Variants in TMEM117 observed in about 807,000 individuals in gnomAD.
The protein encoded by TMEM117 is transmembrane protein 117.
TMEM117 carries 27 observed loss-of-function variants against 52.4 expected under a neutral mutation model. The ratio of observed to expected loss-of-function variants is 0.51; its 90% CI spans 0.38 to 0.71. The LOEUF is 0.71. TMEM117 is among the 30% of genes least tolerant of loss of function. TMEM117 has a pLI of 0.00. For missense variants in TMEM117, 556 were observed against 630.5 expected, an observed-to-expected ratio of 0.88 and a Z score of 1.26; for synonymous variants, 215 against 206.3, an observed-to-expected ratio of 1.04 and a Z score of -0.36.
rs139642801 is a variant in TMEM117, at chr12:43,965,399, G to T, written c.410+21057G>T. Among the ~76,000 whole-genome samples the T allele has an allele frequency of 2.6e-4, 39 of 152,286 alleles. No individual in the cohort carries two copies. The East Asian group carries it at 6.8e-3, about 26-fold the overall frequency. On this transcript the variant is annotated intron_variant, in intron 3 of 7. Coordinates refer to ENST00000266534, the MANE Select transcript of TMEM117 (RefSeq NM_032256.3). The stretch of plus-strand genomic sequence containing the variant: ...CTATGAGGTCTTCCATCACAGCCCA[G>T]AGGAAGCACTAGACTGGAAAATTGT...
chr12:43,906,710 T>C (rs947352304), intron 2 of TMEM117, among the ~76,000 whole-genome samples: 1 of 152,190 alleles, frequency 6.6e-6, no homozygotes, highest in Non-Finnish European at 1.5e-5. Context: ...GGAGTTCCCT[T>C]TCCTAGTCAA....
intron 2 of TMEM117, among the ~76,000 whole-genome samples, chr12:43,920,310 GGTC>G (rs1354848283): frequency 6.6e-6 from 1 of 152,090 alleles, no homozygotes; most frequent in Non-Finnish European, 1.5e-5. Context: ...CGGATCACGA[GGTC>G]AGAAGATCAA....
chr12:44,009,001 C>A, intron 3 of TMEM117: 1 of 365,270 alleles, frequency 2.7e-6, no homozygotes, highest in South Asian at 2.4e-5. Context: ...TGTGAATTCT[C>A]TGGTACTTAA....
At chr12:44,238,729 A>G (rs1950028404) in intron 5 of TMEM117, among the ~76,000 whole-genome samples, 1 of 152,206 alleles carries the variant, frequency 6.6e-6, no homozygotes, top group South Asian at 2.1e-4. Flanking sequence ...ATGTAAAGAC[A>G]AAGGTATTTT....
At chr12:44,376,114 A>G (rs974433291) in intron 6 of TMEM117, among the ~76,000 whole-genome samples, 3 of 152,212 alleles carry the variant, frequency 2.0e-5, no homozygotes, top group African/African-American at 7.2e-5. Flanking sequence ...GACATGATTA[A>G]TAAAAGTCAC....
At chr12:43,834,224 A>G (rs1043797145), upstream of TMEM117, among the ~76,000 whole-genome samples, 2 of 152,248 alleles carry the variant, frequency 1.3e-5, no homozygotes, top group South Asian at 4.1e-4. Context: ...AGGAAAATAT[A>G]GCATATGGAA....
At chr12:44,010,196 C>A (rs1214263236) in intron 3 of TMEM117, 2 of 507,848 alleles carry the variant, frequency 3.9e-6, no homozygotes, top group Admixed American at 4.1e-5. Context: ...CCACCTGGGG[C>A]CACCTCTGAC....
chr12:44,168,126 T>C (rs1948994658), intron 4 of TMEM117, among the ~76,000 whole-genome samples: 1 of 151,650 alleles, frequency 6.6e-6, no homozygotes, highest in African/African-American at 2.4e-5. Context: ...TGGTGGTGCG[T>C]GCCTGTAGTC....
At chr12:44,122,252 G>A (rs1203737228) in intron 3 of TMEM117, among the ~76,000 whole-genome samples, 1 of 151,916 alleles carries the variant, frequency 6.6e-6, no homozygotes, top group East Asian at 1.9e-4. Context: ...CACTGTGTTA[G>A]CCAGGATGGT....
intron 3 of TMEM117, among the ~76,000 whole-genome samples, chr12:44,071,922 G>T (rs1241339064): frequency 1.3e-5 from 2 of 152,188 alleles, no homozygotes; most frequent in Non-Finnish European, 2.9e-5. Context: ...ACAAGCCTGG[G>T]AATCTGTAGT....
intron 3 of TMEM117, among the ~76,000 whole-genome samples, chr12:43,957,770 C>G (rs1945333256): frequency 6.6e-6 from 1 of 152,158 alleles, no homozygotes; most frequent in Admixed American, 6.5e-5. Flanking sequence ...ATTTTTATAG[C>G]ATCCATAGTA....
chr12:43,839,934 T>G (rs1943091123), intron 1 of TMEM117, among the ~76,000 whole-genome samples: 1 of 152,246 alleles, frequency 6.6e-6, no homozygotes, highest in South Asian at 2.1e-4. Context: ...TGGATAATCT[T>G]TGTTGGACTG....
At chr12:44,346,376 G>T (rs550646559) in intron 6 of TMEM117, among the ~76,000 whole-genome samples, 1 of 152,128 alleles carries the variant, frequency 6.6e-6, no homozygotes, top group East Asian at 1.9e-4. Context: ...GATAAATGTG[G>T]TTTTTCATCC....
intron 2 of TMEM117, among the ~76,000 whole-genome samples, chr12:43,863,260 C>CA (rs3038262): frequency 0.015 from 1,353 of 89,066 alleles, 38 homozygotes; most frequent in East Asian, 0.13. Flanking sequence ...ACAGCAACAA[C>CA]AACAAACAAA....
chr12:44,290,262 T>G (rs956513529), intron 5 of TMEM117, among the ~76,000 whole-genome samples: 14 of 152,218 alleles, frequency 9.2e-5, no homozygotes, highest in Admixed American at 2.6e-4. Flanking sequence ...TTTTTTTGCC[T>G]CTGCTTTTTG....
rs566661073 is a variant in TMEM117 at position 44,100,207 on chromosome 12, G to A, written c.411-43318G>A. 3.3e-5 allele frequency among the ~76,000 whole-genome samples: 5 copies of A among 151,992 alleles called. No individual in the cohort carries two copies. The South Asian group carries it at 8.3e-4, about 25-fold the overall frequency. ...AAACTGAAAACACGGGTTATTTTAT[G>A]CCCCATAAACGTGCCAGATGGGAAT... On this transcript the variant is annotated intron_variant, in intron 3 of 7. Coordinates refer to ENST00000266534, the MANE Select transcript of TMEM117 (RefSeq NM_032256.3).
chr12:44,361,122 A>G (rs1366529572), intron 6 of TMEM117, among the ~76,000 whole-genome samples: 2 of 152,194 alleles, frequency 1.3e-5, no homozygotes, highest in Admixed American at 6.5e-5. Context: ...CAATTAATCT[A>G]AAGTTAGATA....
At chr12:44,243,819 C>G (rs1486384713) in intron 5 of TMEM117, among the ~76,000 whole-genome samples, 1 of 151,122 alleles carries the variant, frequency 6.6e-6, no homozygotes, top group African/African-American at 2.4e-5. Context: ...ATCTTCTACT[C>G]TCTACTTCTA....
intron 3 of TMEM117, among the ~76,000 whole-genome samples, chr12:43,986,280 A>G (rs1945845579): frequency 6.6e-6 from 1 of 152,212 alleles, no homozygotes; most frequent in Non-Finnish European, 1.5e-5. Context: ...ATAAAGAAGA[A>G]ATAAAAATCA....
Sources: gnomAD v4.1 joint callset for allele counts (sites outside exome capture counted in the v4.1 genomes callset) on GRCh38, gnomAD v4.1.1 for gene constraint, MANE v1.5 for transcripts, NCBI Gene and HGNC (gene_info 2026-07-23, HGNC 2026-07-21) for gene names.